Variants in FRMD5 observed in about 807,000 individuals in gnomAD.
The protein encoded by FRMD5 is FERM domain-containing protein 5.
Under a neutral mutation model 69.0 loss-of-function variants are expected in FRMD5, and 20 were observed. The ratio of observed to expected loss-of-function variants is 0.29; its 90% CI spans 0.20 to 0.42. The LOEUF (loss-of-function observed/expected upper bound fraction) is 0.42, where lower values mean the gene tolerates loss of function less well. FRMD5 is among the 10% of genes least tolerant of loss of function. FRMD5 has a pLI of 1.00. For missense variants in FRMD5, 595 were observed against 708.6 expected (o/e 0.84, Z 1.82); for synonymous variants, 271 against 260.1 (o/e 1.04, Z -0.40).
rs2089061594 is a variant in FRMD5, at chr15:43,902,160, AC to A, written c.639+14del. ...AGGAGGAAAGGTCATGCAGTCTCCA[AC>A]CAGGGGGTCTTACCTTACATGGGTG... On this transcript the variant is annotated intron_variant, in intron 7 of 13. Coordinates refer to ENST00000417257, the MANE Select transcript of FRMD5 (RefSeq NM_032892.5). 1.2e-6 allele frequency: 2 copies of A among 1,604,218 alleles called. No individual in the cohort carries two copies. The highest frequency in any genetic ancestry group is 3.3e-5 in the Admixed American group (2 of 59,988).
chr15:43,909,798 A>T, intron 5 of FRMD5, 84 bp downstream of exon 5: 2 of 790,460 alleles, frequency 2.5e-6, no homozygotes, highest in Non-Finnish European at 4.2e-6. Flanking sequence ...GTTTAGATTC[A>T]AGAAGGAGTC....
intron 1 of FRMD5, among the ~76,000 whole-genome samples, chr15:43,971,712 G>GT (rs1263693969): frequency 2.0e-5 from 3 of 151,064 alleles, no homozygotes; most frequent in South Asian, 2.1e-4. Flanking sequence ...TTAAAACTTC[G>GT]TTTTTTCTTC....
At chr15:44,123,371 G>A (rs1294933048) in intron 1 of FRMD5, among the ~76,000 whole-genome samples, 2 of 151,960 alleles carry the variant, frequency 1.3e-5, no homozygotes. Context: ...ATGGCATAGG[G>A]TTAAAGAAAA....
At chr15:44,120,103 G>A (rs2076925703) in intron 1 of FRMD5, among the ~76,000 whole-genome samples, 2 of 152,184 alleles carry the variant, frequency 1.3e-5, no homozygotes, top group Non-Finnish European at 2.9e-5. Flanking sequence ...AACAGGTACA[G>A]AGGAGAAAGT....
intron 1 of FRMD5, among the ~76,000 whole-genome samples, chr15:43,932,394 T>A (rs1244415288): frequency 2.0e-5 from 3 of 152,202 alleles, no homozygotes; most frequent in Non-Finnish European, 1.5e-5. Context: ...AGGCTATTTT[T>A]TTCCTGATCA....
At chr15:44,169,461 A>G (rs1386304986) in intron 1 of FRMD5, among the ~76,000 whole-genome samples, 1 of 152,210 alleles carries the variant, frequency 6.6e-6, no homozygotes, top group East Asian at 1.9e-4. Context: ...GGGAGTAGAG[A>G]GAAGTGAAGC....
chr15:43,974,732 C>A (rs965965196), intron 1 of FRMD5, among the ~76,000 whole-genome samples: 1 of 152,186 alleles, frequency 6.6e-6, no homozygotes, highest in African/African-American at 2.4e-5. Context: ...AAAGATACAA[C>A]CAGATTCATG....
chr15:44,033,726 C>T (rs1891786992), intron 1 of FRMD5, among the ~76,000 whole-genome samples: 1 of 152,190 alleles, frequency 6.6e-6, no homozygotes, highest in South Asian at 2.1e-4. Flanking sequence ...TGGGCATAAA[C>T]ATCAAACTCC....
intron 1 of FRMD5, among the ~76,000 whole-genome samples, chr15:43,946,818 C>G (rs2089955367): frequency 6.6e-6 from 1 of 152,202 alleles, no homozygotes; most frequent in South Asian, 2.1e-4. Context: ...GCTCCTCAAA[C>G]ACTTCAAGCT....
intron 1 of FRMD5, among the ~76,000 whole-genome samples, chr15:43,975,745 C>A (rs2090452579): frequency 6.6e-6 from 1 of 152,048 alleles, no homozygotes; most frequent in Non-Finnish European, 1.5e-5. Flanking sequence ...TCCCAGGAGG[C>A]TTTTTTTGTA....
intron 1 of FRMD5, chr15:44,194,752 G>C (rs1429767180): frequency 6.0e-6 from 4 of 666,876 alleles, no homozygotes; most frequent in Non-Finnish European, 1.1e-5. Flanking sequence ...CCGCGGCGGC[G>C]GTGACACACC....
intron 1 of FRMD5, among the ~76,000 whole-genome samples, chr15:44,079,937 C>A (rs1893928317): frequency 6.6e-6 from 1 of 151,772 alleles, no homozygotes; most frequent in Non-Finnish European, 1.5e-5. Context: ...AGAATAAATT[C>A]ACAGAGACAG....
intron 2 of FRMD5, among the ~76,000 whole-genome samples, chr15:43,922,675 T>A (rs142550582): frequency 6.6e-6 from 1 of 151,950 alleles, no homozygotes; most frequent in East Asian, 1.9e-4. Context: ...CTCCTTTTTT[T>A]TTTTTTTTTT....
chr15:44,107,922 C>T lies in FRMD5; in HGVS notation c.102+87031G>A, dbSNP rs150262915. On this transcript the variant is annotated intron_variant, in intron 1 of 13. Coordinates refer to ENST00000417257, the MANE Select transcript of FRMD5 (RefSeq NM_032892.5). ...ACAATTAATTCTCAATTTCCATATG[C>T]CTTTGGTCCTTTCTACAGACTTTTC... Among the ~76,000 whole-genome samples, 355 of 152,164 alleles carry T rather than the reference C, an allele frequency of 2.3e-3. 8 individuals are homozygous for T. In the East Asian group the frequency reaches 0.06, roughly 26 times the overall value.
chr15:44,171,897 G>A (rs1166255178), intron 1 of FRMD5, among the ~76,000 whole-genome samples: 1 of 152,144 alleles, frequency 6.6e-6, no homozygotes, highest in Non-Finnish European at 1.5e-5. Context: ...ATGAGTAGCT[G>A]GGCTACAGGC....
At chr15:44,137,368 T>G (rs886251547) in intron 1 of FRMD5, among the ~76,000 whole-genome samples, 2 of 152,220 alleles carry the variant, frequency 1.3e-5, no homozygotes, top group African/African-American at 4.8e-5. Context: ...AGCCCATGGC[T>G]GCAATTTGGG....
At chr15:44,067,519 C>A (rs1000596991) in intron 1 of FRMD5, among the ~76,000 whole-genome samples, 1 of 152,140 alleles carries the variant, frequency 6.6e-6, no homozygotes, top group Non-Finnish European at 1.5e-5. Context: ...AGTCCAAGAT[C>A]AAGGCACCAG....
At position 43,900,346 on chromosome 15, in the gene FRMD5, T is replaced by G. The variant is rs1764481727; in HGVS notation, c.639+1829A>C. On this transcript the variant is annotated intron_variant, in intron 7 of 13. Transcript: ENST00000417257. ...TACACAGAGGGCATTGTTTGGAAGT[T>G]TTGCTAATGTGTAAATATCCAAATG... 2.0e-5 allele frequency among the ~76,000 whole-genome samples: 3 copies of G among 152,266 alleles called. No homozygotes were observed. The South Asian group carries it at 6.2e-4, about 32-fold the overall frequency.
At chr15:43,926,215 G>A (rs1446325894) in intron 1 of FRMD5, among the ~76,000 whole-genome samples, 1 of 152,218 alleles carries the variant, frequency 6.6e-6, no homozygotes, top group Non-Finnish European at 1.5e-5. Flanking sequence ...CAAGGGTGAA[G>A]TGGGAGGAGA....
Sources: allele counts gnomAD v4.1 joint callset (sites outside exome capture counted in the v4.1 genomes callset), GRCh38; gene constraint gnomAD v4.1.1; transcripts MANE v1.5; gene names NCBI Gene and HGNC (gene_info 2026-07-23, HGNC 2026-07-21).